The following HCN1 variants were observed in gnomAD, a reference collection of about 807,000 sequenced individuals.
HCN1 encodes hyperpolarization activated cyclic nucleotide gated potassium channel 1.
In HCN1, 13 loss-of-function variants were observed where a neutral mutation model predicts 78.9. That is an observed-to-expected ratio of 0.16 (90% confidence interval 0.11 to 0.26). The LOEUF (loss-of-function observed/expected upper bound fraction) is 0.26. Ranked by LOEUF, HCN1 falls within the 10% of genes least tolerant of loss-of-function variation. The pLI is 1.00. For synonymous variants in HCN1, 552 were observed against 455.5 expected, an observed-to-expected ratio of 1.21 and a Z score of -2.70; for missense variants, 810 against 1,154.3, an observed-to-expected ratio of 0.70 and a Z score of 4.32.
intron 5 of HCN1, among the ~76,000 whole-genome samples, chr5:45,306,810 T>G (rs933926097): frequency 6.6e-6 from 1 of 152,090 alleles, no homozygotes; most frequent in African/African-American, 2.4e-5. Context: ...ATATCAGGAT[T>G]GAGTTAGGAG....
chr5:45,509,390 A>G (rs971630387), intron 2 of HCN1, among the ~76,000 whole-genome samples: 1 of 152,108 alleles, frequency 6.6e-6, no homozygotes, highest in African/African-American at 2.4e-5. Context: ...GCTGAGGAGG[A>G]GAGAAAAATA....
intron 1 of HCN1, among the ~76,000 whole-genome samples, chr5:45,674,283 G>C (rs1343165231): frequency 2.0e-5 from 3 of 151,304 alleles, no homozygotes; most frequent in Non-Finnish European, 4.4e-5. Context: ...AATTTTATGA[G>C]GAGAACTTAG....
At chr5:45,297,094 A>C (rs1221296307) in intron 6 of HCN1, among the ~76,000 whole-genome samples, 1 of 152,084 alleles carries the variant, frequency 6.6e-6, no homozygotes, top group South Asian at 2.1e-4. Context: ...AGATTTACCC[A>C]CATATTTATT....
At chr5:45,600,184 TACAC>T (rs879527003) in intron 2 of HCN1, among the ~76,000 whole-genome samples, 2 of 151,320 alleles carry the variant, frequency 1.3e-5, no homozygotes, top group Non-Finnish European at 3.0e-5. Flanking sequence ...CTCTCTCTCT[TACAC>T]ACACACACGC....
chr5:45,639,247 G>A (rs886412916), intron 2 of HCN1, among the ~76,000 whole-genome samples: 2 of 151,988 alleles, frequency 1.3e-5, no homozygotes, highest in Admixed American at 1.3e-4. Context: ...ACCAATAGAG[G>A]ACACCTAGTG....
intron 5 of HCN1, among the ~76,000 whole-genome samples, chr5:45,332,571 GA>G (rs936872553): frequency 6.6e-6 from 1 of 150,872 alleles, no homozygotes; most frequent in African/African-American, 2.4e-5. Flanking sequence ...AGAAATAAGT[GA>G]AAACATTTTT....
At chr5:45,351,951 T>G (rs1746913356) in intron 5 of HCN1, among the ~76,000 whole-genome samples, 1 of 152,144 alleles carries the variant, frequency 6.6e-6, no homozygotes, top group South Asian at 2.1e-4. Flanking sequence ...AGTTCAAACA[T>G]TGTGAAAGTC....
chr5:45,650,896 C>T (rs1364335750), intron 1 of HCN1, among the ~76,000 whole-genome samples: 5 of 151,872 alleles, frequency 3.3e-5, no homozygotes, highest in South Asian at 2.1e-4. Flanking sequence ...CAGTTGCTTA[C>T]GTTATCTTCT....
chr5:45,632,161 G>T (rs1197167084), intron 2 of HCN1, among the ~76,000 whole-genome samples: 1 of 151,918 alleles, frequency 6.6e-6, no homozygotes, highest in African/African-American at 2.4e-5. Context: ...CAACTAAGGG[G>T]TCGATCATAC....
chr5:45,388,521 T>C lies in HCN1; in HGVS notation c.1230+7971A>G, dbSNP rs528807902. ...CCGGTAGCAGCAGCAGCATCTGAGA[T>C]CTTGTTGGAAACACAAATTCTCAAG... On this transcript the variant is annotated intron_variant, in intron 4 of 7. Transcript: ENST00000303230. Among the ~76,000 whole-genome samples, 127 of 152,190 alleles carry C rather than the reference T, an allele frequency of 8.3e-4. 1 individual carries two copies. The South Asian group carries it at 0.018, about 22-fold the overall frequency.
intron 5 of HCN1, among the ~76,000 whole-genome samples, chr5:45,318,326 A>G (rs953464478): frequency 2.0e-5 from 3 of 152,076 alleles, no homozygotes; most frequent in Non-Finnish European, 4.4e-5. Context: ...AAAAAAACAA[A>G]CACCACATGT....
At chr5:45,429,990 G>C (rs922780442) in intron 3 of HCN1, among the ~76,000 whole-genome samples, 6 of 151,712 alleles carry the variant, frequency 4.0e-5, no homozygotes, top group Non-Finnish European at 7.4e-5. Context: ...ATAATGTTCC[G>C]TAAGCAGTAA....
intron 2 of HCN1, among the ~76,000 whole-genome samples, chr5:45,490,761 C>T (rs556015162): frequency 6.6e-6 from 1 of 152,046 alleles, no homozygotes; most frequent in Non-Finnish European, 1.5e-5. Flanking sequence ...AAATAAAAAA[C>T]TTAAATAAAG....
At chr5:45,497,721 T>C (rs1258516466) in intron 2 of HCN1, among the ~76,000 whole-genome samples, 2 of 152,182 alleles carry the variant, frequency 1.3e-5, no homozygotes, top group African/African-American at 4.8e-5. Context: ...CAGCAGCTGG[T>C]ACTGGTTGTT....
At chr5:45,362,518 C>T (rs1747136093) in intron 4 of HCN1, among the ~76,000 whole-genome samples, 1 of 151,986 alleles carries the variant, frequency 6.6e-6, no homozygotes, top group South Asian at 2.1e-4. Flanking sequence ...TTTAAAGCTA[C>T]TCTTTCACCT....
intron 4 of HCN1, among the ~76,000 whole-genome samples, chr5:45,363,727 C>T (rs1050904359): frequency 2.0e-5 from 3 of 151,912 alleles, no homozygotes; most frequent in Non-Finnish European, 2.9e-5. Flanking sequence ...GTGAATAAGT[C>T]TTACGAGATC....
rs543646360 is a variant in HCN1, at chr5:45,372,634, A to G, written c.1231-19388T>C. 6.3e-3 allele frequency among the ~76,000 whole-genome samples: 720 copies of G among 114,542 alleles called. 9 individuals are homozygous for G. The highest frequency in any genetic ancestry group is 0.036 in the Middle Eastern group (3 of 84). The allele number at this position is 114,542 out of a possible 152,430, so 75.1% of individuals were successfully genotyped here. A position where few individuals can be genotyped will look rare whatever the true frequency, so the allele number is the denominator to read the frequency against. On this transcript the variant is annotated intron_variant, in intron 4 of 7. Coordinates refer to ENST00000303230, the MANE Select transcript of HCN1 (RefSeq NM_021072.4). Reference sequence around the variant, plus strand: ...CATTTTATATAAAAATATATAAAACATTTTATATAAAAATATATAAAACAT... The same window carrying G: ...CATTTTATATAAAAATATATAAAACGTTTTATATAAAAATATATAAAACAT...
intron 3 of HCN1, among the ~76,000 whole-genome samples, chr5:45,447,425 T>C (rs751662904): frequency 2.0e-5 from 3 of 152,166 alleles, no homozygotes; most frequent in African/African-American, 4.8e-5. Context: ...AAAGTTTTTA[T>C]AGAGACAAGG....
intron 2 of HCN1, among the ~76,000 whole-genome samples, chr5:45,605,141 T>C (rs1194791812): frequency 6.6e-6 from 1 of 152,018 alleles, no homozygotes; most frequent in Non-Finnish European, 1.5e-5. Context: ...AAGCCAAATA[T>C]TTGATTACTA....
Sources: gnomAD v4.1 joint callset for allele counts (sites outside exome capture counted in the v4.1 genomes callset) on GRCh38, gnomAD v4.1.1 for gene constraint, MANE v1.5 for transcripts, NCBI Gene and HGNC (gene_info 2026-07-23, HGNC 2026-07-21) for gene names.